LRP2: variants seen among roughly 807,000 people sequenced by gnomAD.
LRP2 encodes LDL receptor related protein 2.
LRP2 carries 172 observed loss-of-function variants against 531.0 expected under a neutral mutation model. The observed-to-expected ratio is 0.32, with a 90% CI of 0.29 to 0.37. The LOEUF (loss-of-function observed/expected upper bound fraction) is 0.37, where lower values mean the gene tolerates loss of function less well. Among genes scored for constraint, LRP2 ranks in the 10% least tolerant of loss-of-function variants. The probability of loss-of-function intolerance (pLI) is 1.00; values close to 1 mark genes in which losing one functional copy is unlikely to be tolerated. For synonymous variants in LRP2, 1,992 were observed against 2,027.6 expected, an observed-to-expected ratio of 0.98 and a Z score of 0.47; for missense variants, 5,167 against 5,868.3, an observed-to-expected ratio of 0.88 and a Z score of 3.90.
rs1267283988 is a variant in LRP2 at position 169,233,548 on chromosome 2, G to C, written c.4961C>G (p.Ser1654Cys). The change falls in exon 30 of 79, where the codon TCT becomes TGT. Residue 1654 changes from serine (S) to cysteine (C), a missense_variant. Transcript: ENST00000649046. ...AGTAGCACGGTCAGTCCAGTACACA[G>C]AGTCTTCAAAGAGAGTTAGGGCATA... Reference protein sequence around the residue: ...HPYALTLFEDSVYWTDRATRR... With the variant: ...HPYALTLFEDCVYWTDRATRR... 6.2e-7 allele frequency: 1 copy of C among 1,614,044 alleles called. No individual in the cohort carries two copies. Among genetic ancestry groups the C allele is most frequent in the Non-Finnish European group, 8.5e-7 (1 of 1,180,036 alleles).
chr2:169,257,169 A>G lies in LRP2; in HGVS notation c.2594T>C (p.Ile865Thr). The change falls in exon 18 of 79, where the codon ATA becomes ACA. Residue 865 changes from isoleucine (I) to threonine (T), a missense_variant. Physicochemically the swap from Ile to Thr is moderately conservative, Grantham distance 89. Transcript: ENST00000649046. ...WSDGSHLLPV[I>T]NTTLGWPNGL... The stretch of plus-strand genomic sequence containing the variant: ...ATTGGGCCATCCAAGAGTAGTGTTT[A>G]TTACAGGCAAGAGGTGAGATCCGTC... The G allele has an allele frequency of 6.2e-7, 1 of 1,612,964 alleles. No individual in the cohort carries two copies. The highest frequency in any genetic ancestry group is 2.2e-5 in the East Asian group (1 of 44,850).
At position 169,157,372 on chromosome 2, in the gene LRP2, T is replaced by C; in HGVS notation, c.12018A>G (p.Leu4006=). Reference sequence around the variant, plus strand: ...GGAATTGGAAAAAATATACTCTACCTAGACAGGAGGTTCTGTCAAAAACAT... The same window carrying C: ...GGAATTGGAAAAAATATACTCTACCCAGACAGGAGGTTCTGTCAAAAACAT... The part of the protein sequence containing the change: ...ETNVFDRTSC[L]DINECEQFGT... The change falls in exon 64 of 79, where the codon CTA becomes CTG. Residue 4006 remains leucine, a splice_region_variant and synonymous_variant. Transcript: ENST00000649046. 1 of 1,613,180 alleles carries C rather than the reference T, an allele frequency of 6.2e-7. No homozygotes were observed. Among genetic ancestry groups the C allele is most frequent in the Non-Finnish European group, 8.5e-7 (1 of 1,179,436 alleles).
chr2:169,146,322 GAAC>G (rs980090172), intron 69 of LRP2, among the ~76,000 whole-genome samples: 3 of 152,082 alleles, frequency 2.0e-5, no homozygotes, highest in Non-Finnish European at 2.9e-5. Context: ...TGCAGAGTCT[GAAC>G]AACAACAACA....
intron 15 of LRP2, chr2:169,271,736 C>A (rs1227906277): frequency 1.0e-6 from 1 of 980,500 alleles, no homozygotes; most frequent in East Asian, 1.1e-4. Flanking sequence ...CGTAACAATC[C>A]TCAAGTTGGT....
At chr2:169,195,227 A>G (rs530193665) in intron 46 of LRP2, among the ~76,000 whole-genome samples, 2 of 152,340 alleles carry the variant, frequency 1.3e-5, no homozygotes, top group East Asian at 3.9e-4. Flanking sequence ...GGCAGTGTAC[A>G]GGAATGAGGC....
At position 169,241,159 on chromosome 2, in the gene LRP2, G is replaced by A. The variant is rs768519681; in HGVS notation, c.3874C>T (p.Arg1292Trp). 1.2e-5 allele frequency: 20 copies of A among 1,614,026 alleles called. No homozygotes were observed. The highest frequency in any genetic ancestry group is 4.5e-5 in the East Asian group (2 of 44,892). The change falls in exon 25 of 79, where the codon CGG (arginine) becomes TGG (tryptophan). Residue 1292 changes from arginine to tryptophan, a missense_variant. Arg to Trp is a moderately radical substitution (Grantham distance 101). Coordinates refer to ENST00000649046, the MANE Select transcript of LRP2 (RefSeq NM_004525.3). ...NCIHRAWLCD[R>W]DNDCGDMSDE... ...CTCATATCCCCGCAGTCATTGTCCC[G>A]ATCACAGAGCCATGCCCTGTGGATG... is the stretch of plus-strand genomic sequence containing the variant.
At chr2:169,320,721 C>G in intron 2 of LRP2, 56 bp downstream of exon 2, 1 of 1,392,278 alleles carries the variant, frequency 7.2e-7, no homozygotes. Context: ...GCTGAAATCA[C>G]CAGGAAGCAC....
chr2:169,347,907 G>A (rs1685737740), intron 1 of LRP2, among the ~76,000 whole-genome samples: 1 of 152,176 alleles, frequency 6.6e-6, no homozygotes, highest in African/African-American at 2.4e-5. Flanking sequence ...CCTCTGAAAT[G>A]AGGTCATCTG....
In LRP2 at chr2:169,181,659, A is replaced by G. The variant is rs775165374; in HGVS notation, c.9999-41T>C. 5.7e-6 allele frequency: 9 copies of G among 1,578,750 alleles called. No individual in the cohort carries two copies. In the South Asian group the frequency reaches 1.0e-4, roughly 18 times the overall value. ...CAAAGGGTCAGTCCCTGATGCCAAA[A>G]GAAGTCAGTAGCCAAAATACACACC... On this transcript the variant is annotated intron_variant, in intron 51 of 78. Transcript: ENST00000649046.
At chr2:169,320,925 A>C (rs1243315054) in intron 1 of LRP2, 41 bp from the exon 2 acceptor site, 1 of 1,356,340 alleles carries the variant, frequency 7.4e-7, no homozygotes, top group Admixed American at 1.7e-5. Flanking sequence ...TATGCCATGC[A>C]GATATTTAAC....
At chr2:169,203,219 C>A (rs184504333) in intron 42 of LRP2, among the ~76,000 whole-genome samples, 3 of 152,284 alleles carry the variant, frequency 2.0e-5, no homozygotes, top group African/African-American at 7.2e-5. Flanking sequence ...ATTTGCAAAG[C>A]AACAACATCA....
At chr2:169,230,797 T>C (rs1689369461) in intron 31 of LRP2, among the ~76,000 whole-genome samples, 1 of 152,188 alleles carries the variant, frequency 6.6e-6, no homozygotes, top group Non-Finnish European at 1.5e-5. Context: ...AAGTACTTGG[T>C]ATAATCCTCC....
chr2:169,316,926 G>C (rs1413499106), intron 3 of LRP2, among the ~76,000 whole-genome samples: 1 of 152,108 alleles, frequency 6.6e-6, no homozygotes, highest in African/African-American at 2.4e-5. Context: ...CAAGAAGGAG[G>C]AATGGTCTCC....
chr2:169,146,681 G>A, intron 69 of LRP2, 58 bp downstream of exon 69: 1 of 1,402,502 alleles, frequency 7.1e-7, no homozygotes, highest in Non-Finnish European at 9.9e-7. Context: ...AACAGGCAAA[G>A]ACATTAGAAA....
intron 3 of LRP2, among the ~76,000 whole-genome samples, chr2:169,308,922 G>C (rs1684506854): frequency 6.6e-6 from 1 of 152,032 alleles, no homozygotes; most frequent in Non-Finnish European, 1.5e-5. Context: ...ATTCTAACTG[G>C]TGTGAGATGA....
At chr2:169,209,719 C>T (rs1688526887) in intron 37 of LRP2, 78 bp from the exon 38 acceptor site, 1 of 1,361,658 alleles carries the variant, frequency 7.3e-7, no homozygotes, top group African/African-American at 1.4e-5. Context: ...TCCTCTCAAA[C>T]CCTCATTCCC....
intron 21 of LRP2, among the ~76,000 whole-genome samples, 175 bp downstream of exon 21, chr2:169,246,530 T>C (rs1225226133): frequency 6.6e-6 from 1 of 152,222 alleles, no homozygotes; most frequent in Non-Finnish European, 1.5e-5. Context: ...ATCCATAACA[T>C]TATGAATGAA....
At chr2:169,350,497 G>C (rs536789682) in intron 1 of LRP2, among the ~76,000 whole-genome samples, 97 of 152,140 alleles carry the variant, frequency 6.4e-4, no homozygotes, top group African/African-American at 2.3e-3. Flanking sequence ...GCCGAGGGAG[G>C]AGGATGACTT....
chr2:169,359,947 A>T (rs1686098982), intron 1 of LRP2, among the ~76,000 whole-genome samples: 1 of 151,828 alleles, frequency 6.6e-6, no homozygotes, highest in Non-Finnish European at 1.5e-5. Context: ...AACATAGCAA[A>T]ACCCTGCCTC....
Sources: allele counts gnomAD v4.1 joint callset (sites outside exome capture counted in the v4.1 genomes callset), GRCh38; gene constraint gnomAD v4.1.1; transcripts MANE v1.5; gene names NCBI Gene and HGNC (gene_info 2026-07-23, HGNC 2026-07-21).